The following CCDC7 variants were observed in gnomAD, a reference collection of about 807,000 sequenced individuals.
CCDC7 encodes the protein coiled-coil domain-containing protein 7.
CCDC7 carries 183 observed loss-of-function variants against 196.9 expected under a neutral mutation model. That is an observed-to-expected ratio of 0.93 (90% CI 0.82 to 1.05). The LOEUF is 1.05. CCDC7 is among the 50% of genes least tolerant of loss of function. CCDC7 has a pLI of 0.00. For missense variants in CCDC7, 1,540 were observed against 1,482.2 expected (o/e 1.04, Z -0.64); for synonymous variants, 525 against 484.6 (o/e 1.08, Z -1.10).
At chr10:32,704,922 T>C (rs1047216120) in intron 24 of CCDC7, among the ~76,000 whole-genome samples, 57 of 152,276 alleles carry the variant, frequency 3.7e-4, no homozygotes, top group Admixed American at 1.6e-3. Flanking sequence ...ACACCTTTCC[T>C]TGGCTAGGAA....
chr10:32,606,568 C>T (rs937585692), intron 18 of CCDC7, among the ~76,000 whole-genome samples: 8 of 152,196 alleles, frequency 5.3e-5, no homozygotes, highest in Admixed American at 4.6e-4. Flanking sequence ...TTTGGGAGCC[C>T]ACCTCTTGTA....
intron 21 of CCDC7, among the ~76,000 whole-genome samples, chr10:32,668,410 G>A (rs1591368391): frequency 1.3e-5 from 2 of 151,634 alleles, no homozygotes; most frequent in South Asian, 2.1e-4. Flanking sequence ...CACTATGTTG[G>A]ATAGGAGTGG....
chr10:32,731,741 T>G (rs2083998630), intron 28 of CCDC7, among the ~76,000 whole-genome samples: 1 of 152,160 alleles, frequency 6.6e-6, no homozygotes, highest in Admixed American at 6.6e-5. Context: ...TAAGTTGTAT[T>G]GTCTAGTGTA....
chr10:32,638,026 C>G (rs1424599073), intron 20 of CCDC7, among the ~76,000 whole-genome samples: 1 of 152,106 alleles, frequency 6.6e-6, no homozygotes, highest in African/African-American at 2.4e-5. Context: ...ATTTGGCTCT[C>G]TGTTTGTCTG....
At chr10:32,827,272 T>G (rs2091266652) in intron 32 of CCDC7, among the ~76,000 whole-genome samples, 1 of 152,122 alleles carries the variant, frequency 6.6e-6, no homozygotes, top group South Asian at 2.1e-4. Context: ...CACTGCTGAG[T>G]GCCTAATTTG....
chr10:32,867,725 ATTGT>A (rs1329122074), intron 41 of CCDC7, among the ~76,000 whole-genome samples: 3 of 151,884 alleles, frequency 2.0e-5, no homozygotes, highest in South Asian at 4.1e-4. Context: ...AACTGTTTAT[ATTGT>A]TTATTTTTAA....
chr10:32,852,709 A>G (rs922360240), intron 40 of CCDC7, among the ~76,000 whole-genome samples: 2 of 152,208 alleles, frequency 1.3e-5, no homozygotes, highest in African/African-American at 4.8e-5. Flanking sequence ...GTAAAAAATC[A>G]ATAGGAAATG....
chr10:32,746,890 G>A (rs2133333638), intron 28 of CCDC7, among the ~76,000 whole-genome samples: 1 of 152,344 alleles, frequency 6.6e-6, no homozygotes, highest in Admixed American at 6.5e-5. Context: ...GGACCCCATA[G>A]CACCACTGCT....
chr10:32,861,064 A>ATTCCT (rs1302560026), intron 41 of CCDC7, among the ~76,000 whole-genome samples: 1 of 146,778 alleles, frequency 6.8e-6, no homozygotes, highest in Non-Finnish European at 1.5e-5. Flanking sequence ...AAACTACTTT[A>ATTCCT]AATTTCATTT....
chr10:32,835,562 C>A (rs1157012028), intron 33 of CCDC7, among the ~76,000 whole-genome samples: 1 of 152,010 alleles, frequency 6.6e-6, no homozygotes, highest in Non-Finnish European at 1.5e-5. Flanking sequence ...AGGCTATTAT[C>A]CTTAGCAAAC....
At chr10:32,751,905 A>G (rs1439695778) in intron 28 of CCDC7, among the ~76,000 whole-genome samples, 1 of 152,206 alleles carries the variant, frequency 6.6e-6, no homozygotes, top group Non-Finnish European at 1.5e-5. Context: ...TTCTATCGGC[A>G]GAGAACGTGA....
At chr10:32,601,515 A>T (rs1455409262) in intron 18 of CCDC7, among the ~76,000 whole-genome samples, 2 of 152,100 alleles carry the variant, frequency 1.3e-5, no homozygotes, top group African/African-American at 4.8e-5. Context: ...GGAGCTTTCT[A>T]TTCCACCATT....
chr10:32,814,237 C>T (rs1242539960), intron 30 of CCDC7, 133 bp from the exon 32 acceptor site: 9 of 620,428 alleles, frequency 1.5e-5, no homozygotes, highest in East Asian at 2.9e-5. Context: ...GGATTACAGG[C>T]GTGAGCCACC....
At chr10:32,631,668 T>G (rs1247502196) in intron 18 of CCDC7, among the ~76,000 whole-genome samples, 1 of 32,224 alleles carries the variant, frequency 3.1e-5, no homozygotes, top group Admixed American at 5.2e-4. Flanking sequence ...CTTCTCAATT[T>G]CTACAAAAAA....
intron 18 of CCDC7, among the ~76,000 whole-genome samples, chr10:32,606,743 T>G (rs1435072860): frequency 6.6e-6 from 1 of 152,238 alleles, no homozygotes; most frequent in Non-Finnish European, 1.5e-5. Context: ...ATGCCTGTAC[T>G]GTATCTAGAA....
At chr10:32,514,468 A>G (rs2046720744) in intron 9 of CCDC7, 1 of 152,208 alleles carries the variant, frequency 6.6e-6, no homozygotes, top group African/African-American at 2.4e-5. Flanking sequence ...CAGTGGCTAG[A>G]ATAGGCATGG....
intron 13 of CCDC7, among the ~76,000 whole-genome samples, chr10:32,545,294 A>C (rs1191282599): frequency 6.6e-6 from 1 of 152,234 alleles, no homozygotes; most frequent in Non-Finnish European, 1.5e-5. Flanking sequence ...TGATACTGAT[A>C]ATATCTAGAC....
At position 32,515,742 on chromosome 10, in the gene CCDC7, G is replaced by C. The variant is rs534685512; in HGVS notation, c.873-2203G>C. ...TTTTTTGTAGAGGCGGGGTTTCACT[G>C]TGTTAGCCAGGATGGTCTGGATCTC... On this transcript the variant is annotated intron_variant, in intron 9 of 41. Coordinates refer to ENST00000639629, the Ensembl canonical transcript of CCDC7. Among the ~76,000 whole-genome samples, 20 of 151,158 alleles carry C rather than the reference G, an allele frequency of 1.3e-4. 1 individual carries two copies. The highest frequency in any genetic ancestry group is 1.3e-3 in the Admixed American group (19 of 15,172).
intron 24 of CCDC7, among the ~76,000 whole-genome samples, chr10:32,710,046 A>T (rs1409226957): frequency 6.6e-6 from 1 of 152,200 alleles, no homozygotes; most frequent in Non-Finnish European, 1.5e-5. Flanking sequence ...CAGTTGAAAA[A>T]GAAGGGCTTG....
Sources: gnomAD v4.1 joint callset for allele counts (sites outside exome capture counted in the v4.1 genomes callset) on GRCh38, gnomAD v4.1.1 for gene constraint, MANE v1.5 for transcripts, NCBI Gene and HGNC (gene_info 2026-07-23, HGNC 2026-07-21) for gene names.